UBASH3B: variants seen among roughly 807,000 people sequenced by gnomAD.
UBASH3B encodes ubiquitin-associated and SH3 domain-containing protein B.
In UBASH3B, 37 loss-of-function variants were observed where a neutral mutation model predicts 83.4. That is an observed-to-expected ratio of 0.44 (90% CI 0.34 to 0.58). The LOEUF (loss-of-function observed/expected upper bound fraction) is 0.58, where lower values mean the gene tolerates loss of function less well. UBASH3B is among the 20% of genes least tolerant of loss of function. UBASH3B has a pLI of 0.01. For missense variants in UBASH3B, 657 were observed against 827.2 expected, an observed-to-expected ratio of 0.79 and a Z score of 2.52; for synonymous variants, 304 against 318.3, an observed-to-expected ratio of 0.96 and a Z score of 0.48.
chr11:122,770,280 G>A (rs1290773635), intron 1 of UBASH3B, among the ~76,000 whole-genome samples: 1 of 152,196 alleles, frequency 6.6e-6, no homozygotes, highest in African/African-American at 2.4e-5. Context: ...GAGGGAATAT[G>A]TTTTTCATTC....
chr11:122,769,842 T>C (rs1860612140), intron 1 of UBASH3B, among the ~76,000 whole-genome samples: 1 of 152,176 alleles, frequency 6.6e-6, no homozygotes, highest in Non-Finnish European at 1.5e-5. Flanking sequence ...TTAAACTGAT[T>C]TTGAGGGAGA....
Position 122,682,055 on chromosome 11 carries a change from G to A in UBASH3B, c.161+25845G>A, listed in dbSNP as rs149805839. Among the ~76,000 whole-genome samples the A allele has an allele frequency of 1.8e-3, 279 of 152,252 alleles. 1 individual carries two copies. The highest frequency in any genetic ancestry group is 6.3e-3 in the African/African-American group (260 of 41,556). On this transcript the variant is annotated intron_variant, in intron 1 of 13. Transcript: ENST00000284273. ...TCCCTGCCTTGTCAAAAAAGCACCA[G>A]TCGTGAATCATCTGCCCATGTACAG...
At chr11:122,790,427 T>C (rs746515316) in intron 6 of UBASH3B, among the ~76,000 whole-genome samples, 37 of 152,318 alleles carry the variant, frequency 2.4e-4, no homozygotes, top group Non-Finnish European at 4.9e-4. Context: ...AGCTGTCTTA[T>C]GTTCCCCAAA....
chr11:122,796,080 C>T, intron 7 of UBASH3B, 76 bp from the exon 8 acceptor site: 10 of 1,580,824 alleles, frequency 6.3e-6, no homozygotes, highest in Non-Finnish European at 8.6e-6. Flanking sequence ...TAGAGCTCAG[C>T]TCACCTGGCA....
intron 2 of UBASH3B, 51 bp from the exon 3 acceptor site, chr11:122,776,973 C>T (rs775634942): frequency 6.7e-7 from 1 of 1,492,458 alleles, no homozygotes; most frequent in Non-Finnish European, 9.0e-7. Flanking sequence ...TTCTTTTTTC[C>T]CCTCCCATTA....
rs74488922 is a variant in UBASH3B, at chr11:122,721,426, G to A, written c.162-54793G>A. On this transcript the variant is annotated intron_variant, in intron 1 of 13. Coordinates refer to ENST00000284273, the MANE Select transcript of UBASH3B (RefSeq NM_032873.5). Reference sequence around the variant, plus strand: ...CTGGGAGGACCACTAAATCTTTTTTGCTATAAATTGCTTTCCCGTATGATG... The same window carrying A: ...CTGGGAGGACCACTAAATCTTTTTTACTATAAATTGCTTTCCCGTATGATG... Among the ~76,000 whole-genome samples the A allele has an allele frequency of 5.1e-3, 769 of 152,006 alleles. 8 individuals are homozygous for A. Among genetic ancestry groups the A allele is most frequent in the African/African-American group, 0.018 (748 of 41,468 alleles).
chr11:122,791,582 T>C (rs1210183994), intron 6 of UBASH3B, among the ~76,000 whole-genome samples: 1 of 152,238 alleles, frequency 6.6e-6, no homozygotes. Flanking sequence ...TGCACTTTCC[T>C]ATTTAACCCC....
At chr11:122,666,281 C>T (rs1212545869) in intron 1 of UBASH3B, among the ~76,000 whole-genome samples, 1 of 152,212 alleles carries the variant, frequency 6.6e-6, no homozygotes, top group African/African-American at 2.4e-5. Context: ...ATTCCTTTAC[C>T]TTAGGAAGAA....
Position 122,796,934 on chromosome 11 carries a change from A to C in UBASH3B, c.1258A>C (p.Asn420His), listed in dbSNP as rs1372189070. 5 of 1,614,060 alleles carry C rather than the reference A, an allele frequency of 3.1e-6. No homozygotes were observed. The highest frequency in any genetic ancestry group is 4.2e-6 in the Non-Finnish European group (5 of 1,180,046). The change falls in exon 9 of 14, where the codon AAC (asparagine) becomes CAC (histidine). Residue 420 changes from asparagine to histidine, a missense_variant. This residue lies in a region of UBASH3B where 573 missense variants were observed against 739.0 expected (regional missense o/e 0.78). Coordinates refer to ENST00000284273, the MANE Select transcript of UBASH3B (RefSeq NM_032873.5). The part of the protein sequence containing the change: ...AKGRYIRTNL[N>H]MPHSLPQRSG... ...AGGCCGCTACATACGCACCAACCTGAACATGCCTCATAGTTTACCTCAGCG... is the reference window on the plus strand; with the variant it reads ...AGGCCGCTACATACGCACCAACCTGCACATGCCTCATAGTTTACCTCAGCG...
intron 1 of UBASH3B, among the ~76,000 whole-genome samples, chr11:122,703,254 C>T (rs999637524): frequency 3.3e-5 from 5 of 151,928 alleles, no homozygotes; most frequent in Non-Finnish European, 5.9e-5. Flanking sequence ...AGTGAAACCC[C>T]GTCTCTACTA....
Position 122,757,572 on chromosome 11 carries a change from A to C in UBASH3B, c.162-18647A>C, listed in dbSNP as rs906741974. Among the ~76,000 whole-genome samples, 5 of 152,256 alleles carry C rather than the reference A, an allele frequency of 3.3e-5. No individual in the cohort carries two copies. The East Asian group carries it at 9.7e-4, about 29-fold the overall frequency. On this transcript the variant is annotated intron_variant, in intron 1 of 13. Transcript: ENST00000284273. ...TTAAACAAATGGGCTGTATATTCTC[A>C]ATCCATAGTATACAATTAATAATCA...
intron 1 of UBASH3B, among the ~76,000 whole-genome samples, chr11:122,705,273 C>G (rs1426318484): frequency 1.3e-5 from 2 of 151,854 alleles, no homozygotes; most frequent in East Asian, 3.9e-4. Flanking sequence ...ATGGTGAAAA[C>G]CATCTCTACT....
At chr11:122,706,965 CA>C (rs1864127329) in intron 1 of UBASH3B, among the ~76,000 whole-genome samples, 1 of 152,096 alleles carries the variant, frequency 6.6e-6, no homozygotes, top group South Asian at 2.1e-4. Context: ...AAAAGAATGC[CA>C]GTGGAAGACT....
At position 122,808,057 on chromosome 11, in the gene UBASH3B, T is replaced by C; in HGVS notation, c.1703-10T>C. ...AAACAGTCTTCCCATACCTTGCCAT[T>C]TTCCCCCAGGAAATAACATCCTGAT... On this transcript the variant is annotated splice_polypyrimidine_tract_variant and intron_variant, in intron 12 of 13. Transcript: ENST00000284273. 2 of 1,611,486 alleles carry C rather than the reference T, an allele frequency of 1.2e-6. No individual in the cohort carries two copies. Among genetic ancestry groups the C allele is most frequent in the Non-Finnish European group, 8.5e-7 (1 of 1,177,568 alleles).
chr11:122,738,424 G>A (rs1860970132), intron 1 of UBASH3B, among the ~76,000 whole-genome samples: 1 of 152,146 alleles, frequency 6.6e-6, no homozygotes, highest in Non-Finnish European at 1.5e-5. Flanking sequence ...GGAAGAGATA[G>A]AAGACAGAGG....
chr11:122,696,949 C>A (rs565307541), intron 1 of UBASH3B, among the ~76,000 whole-genome samples: 1 of 152,112 alleles, frequency 6.6e-6, no homozygotes, highest in African/African-American at 2.4e-5. Context: ...GGTGGTTTAC[C>A]GTATTGTTTT....
intron 1 of UBASH3B, among the ~76,000 whole-genome samples, chr11:122,706,990 C>T (rs530745159): frequency 2.0e-5 from 3 of 152,250 alleles, no homozygotes; most frequent in African/African-American, 7.2e-5. Flanking sequence ...AGATGATCTT[C>T]CTTAGAAGGA....
At chr11:122,673,874 T>G (rs1215347790) in intron 1 of UBASH3B, among the ~76,000 whole-genome samples, 3 of 152,214 alleles carry the variant, frequency 2.0e-5, no homozygotes, top group Non-Finnish European at 4.4e-5. Flanking sequence ...TCTTCAGCCT[T>G]TCTCAGCTTA....
In UBASH3B at chr11:122,713,339, A is replaced by G. The variant is rs559600472; in HGVS notation, c.161+57129A>G. Among the ~76,000 whole-genome samples, 13 of 152,278 alleles carry G rather than the reference A, an allele frequency of 8.5e-5. No homozygotes were observed. In the South Asian group the frequency reaches 2.7e-3, roughly 32 times the overall value. ...AGAGAGGCTTTGGTTTGGGAAGTAAAAAGCCATGTGGTCAGCTGACTCTGC... is the reference window on the plus strand; with the variant it reads ...AGAGAGGCTTTGGTTTGGGAAGTAAGAAGCCATGTGGTCAGCTGACTCTGC... On this transcript the variant is annotated intron_variant, in intron 1 of 13. Transcript: ENST00000284273.
Sources: allele counts gnomAD v4.1 joint callset (sites outside exome capture counted in the v4.1 genomes callset), GRCh38; gene constraint gnomAD v4.1.1; regional missense constraint gnomAD v4.1.1; transcripts MANE v1.5; gene names NCBI Gene and HGNC (gene_info 2026-07-23, HGNC 2026-07-21).